The following CSMD1 variants were observed in gnomAD, a reference collection of about 807,000 sequenced individuals.
The protein encoded by CSMD1 is CUB and sushi domain-containing protein 1.
In CSMD1, 213 loss-of-function variants were observed where a neutral mutation model predicts 417.5. The ratio of observed to expected loss-of-function variants is 0.51; its 90% CI spans 0.46 to 0.57. The LOEUF is 0.57. Ranked by LOEUF, CSMD1 falls within the 20% of genes least tolerant of loss-of-function variation. The pLI is 0.00. For synonymous variants in CSMD1, 2,862 were observed against 1,736.8 expected (o/e 1.65, Z -16.11); for missense variants, 6,923 against 4,529.7 (o/e 1.53, Z -15.17).
rs550948538 is a variant in CSMD1 at position 3,583,434 on chromosome 8, G to C, written c.1222+2702C>G. On this transcript the variant is annotated intron_variant, in intron 9 of 69. Transcript: ENST00000635120. ...GGATACTCTTGATGGGACTTGGAAA[G>C]AGCTAGAGATATTCCTGGAAACCGA... Among the ~76,000 whole-genome samples the C allele has an allele frequency of 1.4e-4, 21 of 152,036 alleles. No homozygotes were observed. In the South Asian group the frequency reaches 4.2e-3, roughly 30 times the overall value.
At chr8:3,706,372 T>C (rs1801170870) in intron 7 of CSMD1, among the ~76,000 whole-genome samples, 1 of 152,250 alleles carries the variant, frequency 6.6e-6, no homozygotes, top group Admixed American at 6.5e-5. Context: ...GTGAAACAAT[T>C]TCATTTTCTC....
At chr8:3,329,602 G>A (rs1294269197) in intron 23 of CSMD1, among the ~76,000 whole-genome samples, 3 of 152,156 alleles carry the variant, frequency 2.0e-5, no homozygotes, top group African/African-American at 7.2e-5. Flanking sequence ...TACCATGAGT[G>A]CGTCCCCTTC....
At chr8:4,554,901 T>C (rs1333365803) in intron 2 of CSMD1, among the ~76,000 whole-genome samples, 1 of 152,052 alleles carries the variant, frequency 6.6e-6, no homozygotes, top group Non-Finnish European at 1.5e-5. Flanking sequence ...ATGGTGTTCA[T>C]GGATGTGGGA....
intron 2 of CSMD1, among the ~76,000 whole-genome samples, chr8:4,551,054 T>G (rs532500740): frequency 6.6e-6 from 1 of 152,206 alleles, no homozygotes; most frequent in African/African-American, 2.4e-5. Context: ...GACAACAAAT[T>G]CTCAAAACTA....
chr8:4,968,529 C>T (rs1810026700), intron 1 of CSMD1, among the ~76,000 whole-genome samples: 1 of 152,088 alleles, frequency 6.6e-6, no homozygotes, highest in African/African-American at 2.4e-5. Context: ...ACCTGCACTA[C>T]TAAAAACCAA....
chr8:3,043,546 C>T (rs976873223), intron 50 of CSMD1, among the ~76,000 whole-genome samples: 1 of 151,940 alleles, frequency 6.6e-6, no homozygotes, highest in South Asian at 2.1e-4. Flanking sequence ...CCTCATGGTG[C>T]CCAGCATAGA....
chr8:4,745,452 C>A (rs1005309346), intron 1 of CSMD1, among the ~76,000 whole-genome samples: 1 of 152,112 alleles, frequency 6.6e-6, no homozygotes, highest in Non-Finnish European at 1.5e-5. Flanking sequence ...AAAGAAAGCT[C>A]TCTTAGATAC....
chr8:4,706,028 T>G (rs540350223), intron 1 of CSMD1, among the ~76,000 whole-genome samples: 1 of 143,206 alleles, frequency 7.0e-6, no homozygotes, highest in South Asian at 2.2e-4. Flanking sequence ...TAAACAGTAA[T>G]GTATTTAAAA....
chr8:4,630,798 G>C (rs1585360000), intron 2 of CSMD1, among the ~76,000 whole-genome samples: 1 of 152,216 alleles, frequency 6.6e-6, no homozygotes. Context: ...CTGTGCTCCA[G>C]TTAAGAAGTC....
chr8:4,552,018 G>C (rs920063602), intron 2 of CSMD1, among the ~76,000 whole-genome samples: 9 of 152,054 alleles, frequency 5.9e-5, no homozygotes, highest in African/African-American at 2.2e-4. Context: ...AAAAGATCTA[G>C]AAGTAGCTTT....
At chr8:4,418,224 A>G (rs1797052597) in intron 3 of CSMD1, among the ~76,000 whole-genome samples, 1 of 152,154 alleles carries the variant, frequency 6.6e-6, no homozygotes, top group Non-Finnish European at 1.5e-5. Context: ...ATCATTTTCT[A>G]CATAGCCACA....
At chr8:3,282,828 A>G (rs919124600) in intron 26 of CSMD1, among the ~76,000 whole-genome samples, 5 of 152,146 alleles carry the variant, frequency 3.3e-5, no homozygotes, top group African/African-American at 9.7e-5. Flanking sequence ...ACCTAACTCA[A>G]TTTTCTTATG....
At chr8:4,585,139 T>C (rs1585288965) in intron 2 of CSMD1, among the ~76,000 whole-genome samples, 1 of 147,642 alleles carries the variant, frequency 6.8e-6, no homozygotes, top group Non-Finnish European at 1.5e-5. Context: ...TAACAGGAAG[T>C]GTAGATATTA....
chr8:3,875,482 G>C (rs905174321), intron 5 of CSMD1, among the ~76,000 whole-genome samples: 40 of 152,212 alleles, frequency 2.6e-4, no homozygotes, highest in Middle Eastern at 3.4e-3. Context: ...ACTGGGTTCC[G>C]AGGGTCACTG....
In CSMD1 at chr8:4,905,335, G is replaced by T. The variant is rs117937009; in HGVS notation, c.85+88997C>A. ...CGCTGTGTCAAGTAATATCATAAAG[G>T]CTACCATTTCTTCTCATTAGACTCT... On this transcript the variant is annotated intron_variant, in intron 1 of 69. Coordinates refer to ENST00000635120, the MANE Select transcript of CSMD1 (RefSeq NM_033225.6). 2.2e-3 allele frequency among the ~76,000 whole-genome samples: 337 copies of T among 151,892 alleles called. 10 individuals are homozygous for T. In the East Asian group the frequency reaches 0.034, roughly 15 times the overall value.
At chr8:3,889,012 C>G (rs545868741) in intron 5 of CSMD1, among the ~76,000 whole-genome samples, 11 of 152,188 alleles carry the variant, frequency 7.2e-5, no homozygotes, top group Non-Finnish European at 1.5e-4. Context: ...CAAACTCATT[C>G]AATTACCATA....
intron 15 of CSMD1, among the ~76,000 whole-genome samples, chr8:3,405,350 T>G (rs906063327): frequency 6.6e-6 from 1 of 152,146 alleles, no homozygotes; most frequent in Non-Finnish European, 1.5e-5. Flanking sequence ...GGCAACATCT[T>G]TTTCCTTAAA....
chr8:4,440,900 G>C (rs367770269), intron 2 of CSMD1, among the ~76,000 whole-genome samples: 2 of 151,438 alleles, frequency 1.3e-5, no homozygotes, highest in South Asian at 4.2e-4. Context: ...GGGAGACTGA[G>C]GCATGAGAAT....
chr8:3,614,863 G>C (rs979840934), intron 8 of CSMD1, among the ~76,000 whole-genome samples: 4 of 152,176 alleles, frequency 2.6e-5, no homozygotes, highest in Non-Finnish European at 5.9e-5. Context: ...AGCACATCGT[G>C]ATGATGCACT....
Sources: allele counts gnomAD v4.1 joint callset (sites outside exome capture counted in the v4.1 genomes callset), GRCh38; gene constraint gnomAD v4.1.1; transcripts MANE v1.5; gene names NCBI Gene and HGNC (gene_info 2026-07-23, HGNC 2026-07-21).